The following NCOR2 variants were observed in gnomAD, a reference collection of about 807,000 sequenced individuals.
NCOR2 encodes nuclear receptor corepressor 2.
A neutral mutation model predicts 262.9 loss-of-function variants in NCOR2; 81 were observed. The observed-to-expected ratio is 0.31, with a 90% CI of 0.26 to 0.37. The LOEUF is 0.37. NCOR2 is among the 10% of genes least tolerant of loss of function. The pLI is 1.00. For synonymous variants in NCOR2, 1,659 were observed against 1,559.3 expected (o/e 1.06, Z -1.51); for missense variants, 3,385 against 3,621.4 (o/e 0.93, Z 1.68).
chr12:124,459,884 C>T (rs2046073270), intron 5 of NCOR2, among the ~76,000 whole-genome samples: 1 of 152,158 alleles, frequency 6.6e-6, no homozygotes, highest in Non-Finnish European at 1.5e-5. Flanking sequence ...CTGCTGGCCC[C>T]TCACTGTCCC....
chr12:124,551,454 G>A (rs543077744), intron 1 of NCOR2, among the ~76,000 whole-genome samples: 4 of 152,290 alleles, frequency 2.6e-5, no homozygotes, highest in Middle Eastern at 3.4e-3. Context: ...AGTGAGAGGC[G>A]GTGGCCTCCA....
chr12:124,348,463 G>A (rs2037129874), intron 28 of NCOR2, 149 bp from the exon 31 acceptor site: 3 of 1,109,226 alleles, frequency 2.7e-6, no homozygotes, highest in Non-Finnish European at 3.7e-6. Context: ...GCCTCCAGAG[G>A]GAGCTGGCAG....
intron 16 of NCOR2, chr12:124,388,750 A>G (rs2136131299): frequency 7.7e-7 from 1 of 1,304,154 alleles, no homozygotes; most frequent in African/African-American, 1.5e-5. Context: ...AAGATGCCCC[A>G]GGGAGCGGGC....
At chr12:124,333,996 G>A (rs2035623728) in intron 41 of NCOR2, among the ~76,000 whole-genome samples, 1 of 152,042 alleles carries the variant, frequency 6.6e-6, no homozygotes, top group South Asian at 2.1e-4. Flanking sequence ...GTGCATGTGT[G>A]TGTGTGCGCA....
exon 45 of NCOR2, chr12:124,327,511 T>C (rs374652701): frequency 4.9e-5 from 79 of 1,613,766 alleles, no homozygotes; most frequent in Non-Finnish European, 6.5e-5. Flanking sequence ...GCATTGGCGC[T>C]GAGCGGCGGG....
intron 8 of NCOR2, among the ~76,000 whole-genome samples, chr12:124,431,280 C>A (rs2043907764): frequency 6.6e-6 from 1 of 151,202 alleles, no homozygotes; most frequent in South Asian, 2.1e-4. Context: ...GGCAGACACA[C>A]AGACACACAC....
In NCOR2 at chr12:124,398,184, G is replaced by A; in HGVS notation, c.1814-3C>T. ...ACTCTCATTCAGCTCCATGGAGGCT[G>A]AAAAGAAGATGCCAGGTTATTGGCA... On this transcript the variant is annotated splice_polypyrimidine_tract_variant and splice_region_variant and intron_variant, in intron 15 of 46. Coordinates refer to ENST00000405201, the Ensembl canonical transcript of NCOR2. 2.5e-6 allele frequency: 4 copies of A among 1,614,220 alleles called. 1 individual carries two copies. Among genetic ancestry groups the A allele is most frequent in the South Asian group, 2.2e-5 (2 of 91,088 alleles).
In NCOR2 at chr12:124,490,457, G is replaced by A. The variant is rs561438512; in HGVS notation, c.106-3889C>T. Among the ~76,000 whole-genome samples, 8 of 147,100 alleles carry A rather than the reference G, an allele frequency of 5.4e-5. No homozygotes were observed. The East Asian group carries it at 1.6e-3, about 30-fold the overall frequency. ...GGATGGATGGATGGATGGATGGATG[G>A]ATGGATCTCCCAGCATGGGAGCTCC... On this transcript the variant is annotated intron_variant, in intron 1 of 46. Transcript: ENST00000405201.
chr12:124,363,679 G>C, exon 21 of NCOR2: 1 of 1,379,170 alleles, frequency 7.3e-7, no homozygotes, highest in Non-Finnish European at 9.5e-7. Flanking sequence ...GGGCACTCAC[G>C]ATGGGGGGGA....
Position 124,372,023 on chromosome 12 carries a change from G to A in NCOR2, c.2806C>T (p.Arg936Trp), listed in dbSNP as rs147831485. The A allele has an allele frequency of 2.0e-4, 315 of 1,585,978 alleles. No homozygotes were observed. In the African/African-American group the frequency reaches 3.7e-3, roughly 18 times the overall value. The change falls in exon 20 of 47, where the codon CGG (arginine) becomes TGG (tryptophan). Residue 936 changes from arginine to tryptophan, a missense_variant and splice_region_variant. This residue lies in a region of NCOR2 where 1,615 missense variants were observed against 1,626.9 expected (regional missense o/e 0.99). Coordinates refer to ENST00000405201, the Ensembl canonical transcript of NCOR2. ...TAGGGCTGCCTGGCGCCCACTCACC[G>A]GTTCTTGTCGCCGCCCTCGGCCTCA...
chr12:124,446,022 A>G (rs892941724), intron 7 of NCOR2, among the ~76,000 whole-genome samples: 6 of 152,238 alleles, frequency 3.9e-5, no homozygotes, highest in Admixed American at 6.5e-5. Context: ...GTCCAGCCAC[A>G]TGGTGGGACG....
chr12:124,525,896 C>A (rs1279535996), intron 1 of NCOR2, among the ~76,000 whole-genome samples: 2 of 152,174 alleles, frequency 1.3e-5, no homozygotes, highest in Non-Finnish European at 2.9e-5. Context: ...CATAATAGCA[C>A]CTACTTTCTA....
At chr12:124,383,706 T>A (rs946607531) in intron 17 of NCOR2, among the ~76,000 whole-genome samples, 2 of 152,210 alleles carry the variant, frequency 1.3e-5, no homozygotes, top group Non-Finnish European at 2.9e-5. Flanking sequence ...TCACTCCTCA[T>A]AGGACCTCTT....
In NCOR2 at chr12:124,443,053, G is replaced by A. The variant is rs777601331; in HGVS notation, c.816-5057C>T. ...AGAGCCTTCTAGAGAATGTGGTCCT[G>A]CAGCACCTTGATTTCCAACTGCTGG... On this transcript the variant is annotated intron_variant, in intron 7 of 46. Transcript: ENST00000405201. This position sits in a 1 kb window ranked among gnomAD's most constrained non-coding sequence, Gnocchi z 4.4. Among the ~76,000 whole-genome samples the A allele has an allele frequency of 2.0e-5, 3 of 152,220 alleles. No homozygotes were observed. The highest frequency in any genetic ancestry group is 4.4e-5 in the Non-Finnish European group (3 of 68,034).
chr12:124,508,737 T>TA (rs1394764456), intron 1 of NCOR2, among the ~76,000 whole-genome samples: 3 of 152,212 alleles, frequency 2.0e-5, no homozygotes, highest in African/African-American at 2.4e-5. Flanking sequence ...CCGATATTTC[T>TA]AAAAAAACAC....
intron 1 of NCOR2, among the ~76,000 whole-genome samples, chr12:124,507,406 G>A (rs1166838079): frequency 1.3e-5 from 2 of 152,196 alleles, no homozygotes; most frequent in Non-Finnish European, 1.5e-5. Context: ...CTCCCTGATT[G>A]CTAGTGTTGT....
intron 3 of NCOR2, among the ~76,000 whole-genome samples, chr12:124,480,736 C>T (rs1033124125): frequency 2.6e-5 from 4 of 151,510 alleles, no homozygotes; most frequent in African/African-American, 9.7e-5. Context: ...CACCCCCAGG[C>T]GCCCTTGTCC....
intron 16 of NCOR2, among the ~76,000 whole-genome samples, chr12:124,386,256 C>T (rs1361612906): frequency 1.3e-5 from 2 of 152,028 alleles, no homozygotes; most frequent in Middle Eastern, 3.2e-3. Flanking sequence ...CTGCCCAGGC[C>T]CCACCTCTCC....
At chr12:124,506,313 G>A (rs1024603442) in intron 1 of NCOR2, among the ~76,000 whole-genome samples, 12 of 149,986 alleles carry the variant, frequency 8.0e-5, no homozygotes, top group Non-Finnish European at 1.5e-4. Context: ...CAGCCCAGGC[G>A]CCCGCCCTCA....
Sources: gnomAD v4.1 joint callset for allele counts (sites outside exome capture counted in the v4.1 genomes callset) on GRCh38, gnomAD v4.1.1 for gene constraint, gnomAD v4.1.1 regional missense constraint, Gnocchi (gnomAD v3.1) non-coding constraint, MANE v1.5 for transcripts, NCBI Gene and HGNC (gene_info 2026-07-23, HGNC 2026-07-21) for gene names.